WRN: variants seen among roughly 807,000 people sequenced by gnomAD.
WRN encodes bifunctional 3'-5' exonuclease/ATP-dependent helicase WRN.
In WRN, 149 loss-of-function variants were observed where a neutral mutation model predicts 180.7. The ratio of observed to expected loss-of-function variants is 0.82; its 90% CI spans 0.72 to 0.94. The LOEUF is 0.94. Among genes scored for constraint, WRN ranks in the 40% least tolerant of loss-of-function variants. The pLI is 0.00. For missense variants in WRN, 1,661 were observed against 1,700.1 expected (o/e 0.98, Z 0.40); for synonymous variants, 548 against 568.9 (o/e 0.96, Z 0.52).
chr8:31,101,097 T>C, intron 18 of WRN, 142 bp downstream of exon 18: 1 of 743,490 alleles, frequency 1.3e-6, no homozygotes, highest in East Asian at 2.7e-5. Context: ...TTTTTAAAAA[T>C]GCTAAAGTTG....
At chr8:31,080,406 T>C (rs1361817575) in intron 8 of WRN, among the ~76,000 whole-genome samples, 1 of 152,076 alleles carries the variant, frequency 6.6e-6, no homozygotes, top group Non-Finnish European at 1.5e-5. Context: ...GCATTATGAT[T>C]TTCCTTGACA....
intron 17 of WRN, among the ~76,000 whole-genome samples, chr8:31,099,415 G>GAAAA (rs1814123552): frequency 6.7e-6 from 1 of 150,084 alleles, no homozygotes; most frequent in Non-Finnish European, 1.5e-5. Context: ...AGGAAGGAAG[G>GAAAA]AAAAATCAGT....
intron 21 of WRN, among the ~76,000 whole-genome samples, chr8:31,123,550 A>C (rs1801806760): frequency 6.6e-6 from 1 of 152,052 alleles, no homozygotes; most frequent in East Asian, 1.9e-4. Context: ...ATAACGGATC[A>C]TTTGTGTCTT....
intron 1 of WRN, among the ~76,000 whole-genome samples, chr8:31,037,746 G>GT (rs1161828255): frequency 1.3e-5 from 2 of 152,102 alleles, no homozygotes; most frequent in African/African-American, 4.8e-5. Context: ...TATTATCTGT[G>GT]TGTCTCTTTA....
At chr8:31,036,115 A>G (rs1048077829) in intron 1 of WRN, among the ~76,000 whole-genome samples, 4 of 152,184 alleles carry the variant, frequency 2.6e-5, no homozygotes, top group Non-Finnish European at 2.9e-5. Context: ...AACATGCGAT[A>G]TTTGTCTTTC....
Position 31,085,155 on chromosome 8 carries a change from T to A in WRN, c.1351-11T>A, listed in dbSNP as rs753525336. ...ATATTGGAAATTAATGCTTAATACT[T>A]TTTTTTAAAGCATTTATCTCCCAAT... is the stretch of plus-strand genomic sequence containing the variant. On this transcript the variant is annotated splice_polypyrimidine_tract_variant and intron_variant, in intron 10 of 34. Coordinates refer to ENST00000298139, the MANE Select transcript of WRN (RefSeq NM_000553.6). 6 of 1,608,076 alleles carry A rather than the reference T, an allele frequency of 3.7e-6. No homozygotes were observed. In the South Asian group the frequency reaches 6.6e-5, roughly 18 times the overall value.
intron 20 of WRN, among the ~76,000 whole-genome samples, chr8:31,118,402 T>TTTA (rs1801596906): frequency 6.6e-6 from 1 of 152,064 alleles, no homozygotes; most frequent in African/African-American, 2.4e-5. Flanking sequence ...TACTTTGCCA[T>TTTA]TATAAAGAAT....
At chr8:31,094,450 A>G (rs1167593922) in intron 16 of WRN, among the ~76,000 whole-genome samples, 1 of 150,032 alleles carries the variant, frequency 6.7e-6, no homozygotes, top group Non-Finnish European at 1.5e-5. Flanking sequence ...GGCTCAATTG[A>G]TCCTCCCACC....
intron 24 of WRN, among the ~76,000 whole-genome samples, chr8:31,140,003 GTTTTTTTTTTTTTTTTT>G (rs71539917): frequency 3.2e-5 from 2 of 62,086 alleles, no homozygotes; most frequent in Non-Finnish European, 5.8e-5. Context: ...ATACTTCTTT[GTTTTTTTTTTTTTTTTT>G]TTTTTTTTTT....
chr8:31,166,286 C>A (rs552558643), intron 33 of WRN, among the ~76,000 whole-genome samples: 1 of 152,090 alleles, frequency 6.6e-6, no homozygotes, highest in South Asian at 2.1e-4. Context: ...TTGGGTTTAC[C>A]GCACTCTGGA....
At chr8:31,137,035 T>A (rs1802425647) in intron 24 of WRN, among the ~76,000 whole-genome samples, 1 of 151,490 alleles carries the variant, frequency 6.6e-6, no homozygotes, top group Non-Finnish European at 1.5e-5. Context: ...TTGAAATTTC[T>A]TACTGTACTC....
rs561627863 is a variant in WRN at position 31,095,749 on chromosome 8, CTGTCTTGATTGG to C, written c.1899-1008_1899-997del. Reference sequence around the variant, plus strand: ...TTCTGTGTTCTGTGGATCTATTTGTCTGTCTTGATTGGTGTCTTGATTACTGTAGCTTTATAA... The same window carrying C: ...TTCTGTGTTCTGTGGATCTATTTGTCTGTCTTGATTACTGTAGCTTTATAA... On this transcript the variant is annotated intron_variant, in intron 16 of 34. Transcript: ENST00000298139. Among the ~76,000 whole-genome samples, 1,003 of 152,264 alleles carry C rather than the reference CTGTCTTGATTGG, an allele frequency of 6.6e-3. 15 individuals are homozygous for C. Among genetic ancestry groups the C allele is most frequent in the African/African-American group, 0.022 (934 of 41,562 alleles).
In WRN at chr8:31,096,871, T is replaced by G. The variant is rs1814009535; in HGVS notation, c.1981+21T>G. The G allele has an allele frequency of 5.6e-6, 9 of 1,598,998 alleles. No homozygotes were observed. The East Asian group carries it at 2.0e-4, about 36-fold the overall frequency. Reference sequence around the variant, plus strand: ...TATTGGTAAGTGATAAAGAAAGATCTCTGTAAATACTTACTGAGTTAATAT... The same window carrying G: ...TATTGGTAAGTGATAAAGAAAGATCGCTGTAAATACTTACTGAGTTAATAT... On this transcript the variant is annotated intron_variant, in intron 17 of 34. Transcript: ENST00000298139.
At chr8:31,157,620 C>T (rs1253166540) in intron 33 of WRN, 90 bp downstream of exon 33, 2 of 1,462,740 alleles carry the variant, frequency 1.4e-6, no homozygotes, top group African/African-American at 2.8e-5. Flanking sequence ...CAGCATTAAT[C>T]CTTTATGCTA....
chr8:31,157,118 A>G (rs1803413668), intron 32 of WRN, among the ~76,000 whole-genome samples: 1 of 152,232 alleles, frequency 6.6e-6, no homozygotes, highest in Non-Finnish European at 1.5e-5. Flanking sequence ...CGAGGATTGA[A>G]TTCTTCGGTA....
intron 5 of WRN, among the ~76,000 whole-genome samples, chr8:31,066,035 T>G (rs1316303151): frequency 6.7e-6 from 1 of 150,104 alleles, no homozygotes; most frequent in Non-Finnish European, 1.5e-5. Flanking sequence ...TGCACCACCA[T>G]GCCTAGCTAA....
Position 31,154,668 on chromosome 8 carries a change from G to C in WRN, c.3732G>C (p.Thr1244=). The change falls in exon 32 of 35, where the codon ACG becomes ACC. Residue 1244 remains threonine (T), a synonymous_variant. Transcript: ENST00000298139. ...SSTKPQEEQK[T]SLVAKNKICT... is the part of the protein sequence containing the mutation. ...CAAAACCTCAAGAAGAACAGAAGAC[G>C]AGTCTGGTAGCAAAAAATAAAATAT... 1 of 1,613,494 alleles carries C rather than the reference G, an allele frequency of 6.2e-7. No homozygotes were observed. Among genetic ancestry groups the C allele is most frequent in the Admixed American group, 1.7e-5 (1 of 59,996 alleles).
At chr8:31,046,434 G>C (rs1284272339) in intron 1 of WRN, among the ~76,000 whole-genome samples, 1 of 152,002 alleles carries the variant, frequency 6.6e-6, no homozygotes, top group Non-Finnish European at 1.5e-5. Context: ...AAAGAGGATG[G>C]CTTTTGAACA....
intron 18 of WRN, among the ~76,000 whole-genome samples, chr8:31,107,521 C>G (rs1190617259): frequency 6.6e-6 from 1 of 152,130 alleles, no homozygotes; most frequent in East Asian, 1.9e-4. Context: ...CGAGCAGTGG[C>G]TGAGAAAACG....
Sources: allele counts gnomAD v4.1 joint callset (sites outside exome capture counted in the v4.1 genomes callset), GRCh38; gene constraint gnomAD v4.1.1; transcripts MANE v1.5; gene names NCBI Gene and HGNC (gene_info 2026-07-23, HGNC 2026-07-21).